Variants in LIMS2 observed in about 807,000 individuals in gnomAD.
LIMS2 encodes LIM zinc finger domain containing 2, also known as LIM and senescent cell antigen-like-containing domain protein 2.
In LIMS2, 30 loss-of-function variants were observed where a neutral mutation model predicts 45.3. The ratio of observed to expected loss-of-function variants is 0.66; its 90% CI spans 0.50 to 0.90. The LOEUF is 0.90. Ranked by LOEUF, LIMS2 falls within the 40% of genes least tolerant of loss-of-function variation. LIMS2 has a pLI of 0.00. For missense variants in LIMS2, 485 were observed against 468.7 expected (o/e 1.03, Z -0.32); for synonymous variants, 173 against 188.0 (o/e 0.92, Z 0.65).
At position 127,664,391 on chromosome 2, in the gene LIMS2, C is replaced by A. The variant is rs762835081; in HGVS notation, c.12-6829G>T. 8.3e-7 allele frequency: 1 copy of A among 1,205,450 alleles called. No individual in the cohort carries two copies. 74.7% of individuals were successfully genotyped at this position (1,205,450 alleles called of 1,614,324 possible). A position where few individuals can be genotyped will look rare whatever the true frequency, so the allele number is the denominator to read the frequency against. On this transcript the variant is annotated intron_variant, in intron 1 of 9. Coordinates refer to ENST00000355119, the MANE Select transcript of LIMS2 (RefSeq NM_001161403.3). The surrounding 1 kb of genome is among the most constrained non-coding windows in gnomAD (Gnocchi z 5.5). ...AGCGCACCCAGCCGGGCCGCCATGG[C>A]GCGGGGCAGCCGCCTTGAGGTCGCG... is the stretch of plus-strand genomic sequence containing the variant.
At chr2:127,679,882 C>T (rs1189433676), upstream of LIMS2, among the ~76,000 whole-genome samples, 3 of 152,178 alleles carry the variant, frequency 2.0e-5, no homozygotes, top group Non-Finnish European at 4.4e-5. This position sits in a 1 kb window ranked among gnomAD's most constrained non-coding sequence, Gnocchi z 5.3. Context: ...TGCCACAGCC[C>T]AGGTCCTGGG....
chr2:127,648,373 G>A, intron 4 of LIMS2: 1 of 188,606 alleles, frequency 5.3e-6, no homozygotes, highest in East Asian at 1.9e-4. Context: ...TGATGGCCAG[G>A]TGCTCGGGCC....
At chr2:127,673,872 G>A (rs551735048) in intron 1 of LIMS2, 2 of 766,806 alleles carry the variant, frequency 2.6e-6, no homozygotes, top group African/African-American at 1.7e-5. Context: ...ACTCTCCGGG[G>A]GATGAGTCCC....
chr2:127,654,951 A>G lies in LIMS2; in HGVS notation c.172-55T>C, dbSNP rs748277778. On this transcript the variant is annotated intron_variant, in intron 2 of 9. Transcript: ENST00000355119. ...CAAACCACCTATCATCCCCATGAGC[A>G]GCCCAGGCCCTTGTTGGGTCAGGAC... 12 of 1,529,420 alleles carry G rather than the reference A, an allele frequency of 7.8e-6. No homozygotes were observed. In the Admixed American group the frequency reaches 2.1e-4, roughly 27 times the overall value. The allele number at this position is 1,529,420 out of a possible 1,614,324, so 94.7% of individuals were successfully genotyped here. A position where few individuals can be genotyped will look rare whatever the true frequency, so the allele number is the denominator to read the frequency against.
Position 127,651,167 on chromosome 2 carries a change from G to T in LIMS2, c.359+3257C>A, listed in dbSNP as rs746515695. The T allele has an allele frequency of 3.4e-5, 55 of 1,612,372 alleles. No homozygotes were observed. Among genetic ancestry groups the T allele is most frequent in the Non-Finnish European group, 4.6e-5 (54 of 1,179,964 alleles). On this transcript the variant is annotated intron_variant, in intron 4 of 9. Transcript: ENST00000355119. ...CGGTCAAGTCCCTCAAGCTCCGCAG[G>T]CCCCTCTACGCACACCTGGCCTGTG...
At position 127,642,756 on chromosome 2, in the gene LIMS2, C is replaced by T; in HGVS notation, c.509+167G>A. 1.4e-6 allele frequency: 1 copy of T among 736,908 alleles called. No individual in the cohort carries two copies. Among genetic ancestry groups the T allele is most frequent in the Non-Finnish European group, 2.2e-6 (1 of 463,050 alleles). The allele number at this position is 736,908 out of a possible 1,614,324, so 45.6% of individuals were successfully genotyped here. The stretch of plus-strand genomic sequence containing the variant: ...TTCCTGCCATGGCTGCTTCCCAGCC[C>T]CCAGCCCACCTCTGCCCTGCAGCCT... On this transcript the variant is annotated intron_variant, in intron 5 of 9. Transcript: ENST00000355119. The surrounding 1 kb of genome is among the most constrained non-coding windows in gnomAD (Gnocchi z 5.3).
intron 1 of LIMS2, among the ~76,000 whole-genome samples, chr2:127,659,810 G>A (rs913080616): frequency 3.3e-5 from 5 of 152,160 alleles, no homozygotes; most frequent in Non-Finnish European, 7.4e-5. Flanking sequence ...CCCCCTTCCA[G>A]GCTCCTGTTC....
In LIMS2 at chr2:127,647,946, T is replaced by C; in HGVS notation, c.360-4874A>G. ...TGTCAAGGGCTGTGTTCCTCCCTCC[T>C]TTTACCTCTCCTCCACAGCCCCCTT... On this transcript the variant is annotated intron_variant, in intron 4 of 9. Coordinates refer to ENST00000355119, the MANE Select transcript of LIMS2 (RefSeq NM_001161403.3). This position sits in a 1 kb window ranked among gnomAD's most constrained non-coding sequence, Gnocchi z 4.3. The C allele has an allele frequency of 1.1e-6, 1 of 892,182 alleles. No homozygotes were observed. The highest frequency in any genetic ancestry group is 1.3e-6 in the Non-Finnish European group (1 of 744,688). The allele number at this position is 892,182 out of a possible 1,614,324, so 55.3% of individuals were successfully genotyped here.
intron 1 of LIMS2, among the ~76,000 whole-genome samples, chr2:127,660,775 C>CCA (rs761953996): frequency 3.6e-4 from 55 of 152,320 alleles, no homozygotes; most frequent in Middle Eastern, 3.4e-3. Context: ...AGCAGCCTGG[C>CCA]CACACACACT....
At position 127,640,335 on chromosome 2, in the gene LIMS2, C is replaced by T. The variant is rs371844764; in HGVS notation, c.754-17G>A. 9 of 1,611,826 alleles carry T rather than the reference C, an allele frequency of 5.6e-6. No individual in the cohort carries two copies. The African/African-American group carries it at 6.7e-5, about 12-fold the overall frequency. ...CCCGAAGAGCTGTGGGCCGAGCAGGCTGTCAGAGTAGCTGCAGGCAGTCAC... is the reference window on the plus strand; with the variant it reads ...CCCGAAGAGCTGTGGGCCGAGCAGGTTGTCAGAGTAGCTGCAGGCAGTCAC... On this transcript the variant is annotated splice_polypyrimidine_tract_variant and intron_variant, in intron 7 of 9. Transcript: ENST00000355119.
At chr2:127,678,648 C>T (rs956109091), upstream of LIMS2, among the ~76,000 whole-genome samples, 2 of 152,004 alleles carry the variant, frequency 1.3e-5, no homozygotes, top group African/African-American at 2.4e-5. The surrounding 1 kb of genome is among the most constrained non-coding windows in gnomAD (Gnocchi z 5.3). Flanking sequence ...CCGGCGTGGG[C>T]GTGGTCAGCA....
At chr2:127,680,498 G>T (rs1391515656), upstream of LIMS2, among the ~76,000 whole-genome samples, 1 of 152,202 alleles carries the variant, frequency 6.6e-6, no homozygotes, top group East Asian at 1.9e-4. Flanking sequence ...ATATGAGCCT[G>T]CCCTCAGAAC....
rs183155795 is a variant in LIMS2, at chr2:127,671,769, C to T, written c.11+3245G>A. 8.4e-4 allele frequency among the ~76,000 whole-genome samples: 128 copies of T among 152,356 alleles called. 1 individual carries two copies. Among genetic ancestry groups the T allele is most frequent in the African/African-American group, 3.0e-3 (123 of 41,592 alleles). ...AAAGGAAGGAGGTGAGGGGCCATGG[C>T]AGTGCCACCTGGCCCAGTCTGGGGC... On this transcript the variant is annotated intron_variant, in intron 1 of 9. Transcript: ENST00000355119. The surrounding 1 kb of genome is among the most constrained non-coding windows in gnomAD (Gnocchi z 4.1).
At chr2:127,659,669 G>A (rs1365624953) in intron 1 of LIMS2, among the ~76,000 whole-genome samples, 1 of 152,214 alleles carries the variant, frequency 6.6e-6, no homozygotes, top group African/African-American at 2.4e-5. Flanking sequence ...ATGGCTCTGG[G>A]CCTGGAATTC....
Position 127,642,181 on chromosome 2 carries a change from C to T in LIMS2, c.528G>A (p.Glu176=), listed in dbSNP as rs1215968991. 5 of 1,567,478 alleles carry T rather than the reference C, an allele frequency of 3.2e-6. No individual in the cohort carries two copies. The highest frequency in any genetic ancestry group is 1.8e-5 in the Admixed American group (1 of 56,836). The change falls in exon 6 of 10, where the codon GAG becomes GAA. Residue 176 remains glutamate, a synonymous_variant. Coordinates refer to ENST00000355119, the MANE Select transcript of LIMS2 (RefSeq NM_001161403.3). This position sits in a 1 kb window ranked among gnomAD's most constrained non-coding sequence, Gnocchi z 5.3. ...CTHCGKELTA[E]ARELKGELYC... ...AGAGCTCACCCTTCAGCTCGCGGGC[C>T]TCGGCTGTCAGCTCCTTCCTGGAAG...
chr2:127,640,552 A>G (rs927758062), intron 7 of LIMS2: 1 of 606,706 alleles, frequency 1.6e-6, no homozygotes, highest in African/African-American at 1.8e-5. Flanking sequence ...TGCTCTGGCC[A>G]CTGCTGTCCT....
intron 1 of LIMS2, chr2:127,673,546 G>C: frequency 1.1e-6 from 1 of 899,328 alleles, no homozygotes; most frequent in Non-Finnish European, 1.7e-6. Flanking sequence ...AAGGCCCAAG[G>C]GACTCAGGGG....
Position 127,643,030 on chromosome 2 carries a change from G to A in LIMS2, c.402C>T (p.Gly134=). ...RPCHNREKAK[G]LGKYICQRCH... Reference sequence around the variant, plus strand: ...ACCGCTGGCAGATGTACTTGCCCAGGCCCTTGGCCTTCTCACGGTTGTGGC... The same window carrying A: ...ACCGCTGGCAGATGTACTTGCCCAGACCCTTGGCCTTCTCACGGTTGTGGC... The change falls in exon 5 of 10, where the codon GGC becomes GGT. Residue 134 remains glycine (G), a synonymous_variant. Transcript: ENST00000355119. 2 of 1,588,298 alleles carry A rather than the reference G, an allele frequency of 1.3e-6. No homozygotes were observed. The highest frequency in any genetic ancestry group is 1.7e-6 in the Non-Finnish European group (2 of 1,167,754).
At chr2:127,640,828 T>G (rs867038616) in intron 7 of LIMS2, 68 bp downstream of exon 7, 125 of 1,433,780 alleles carry the variant, frequency 8.7e-5, no homozygotes, top group Middle Eastern at 4.2e-4. Flanking sequence ...ACAGCCTCCC[T>G]TGCTCACGGC....
Sources: gnomAD v4.1 joint callset for allele counts (sites outside exome capture counted in the v4.1 genomes callset) on GRCh38, gnomAD v4.1.1 for gene constraint, Gnocchi (gnomAD v3.1) non-coding constraint, MANE v1.5 for transcripts, NCBI Gene and HGNC (gene_info 2026-07-23, HGNC 2026-07-21) for gene names.